Variants in ATF7 observed in about 807,000 individuals in gnomAD.
The protein encoded by ATF7 is activating transcription factor 7.
Under a neutral mutation model 50.4 loss-of-function variants are expected in ATF7, and 10 were observed. The observed-to-expected ratio is 0.20, with a 90% CI of 0.12 to 0.34. The LOEUF (loss-of-function observed/expected upper bound fraction) is 0.34. ATF7 is among the 10% of genes least tolerant of loss of function. The pLI is 1.00. For missense variants in ATF7, 465 were observed against 613.9 expected, an observed-to-expected ratio of 0.76 and a Z score of 2.56; for synonymous variants, 201 against 226.4, an observed-to-expected ratio of 0.89 and a Z score of 1.01.
rs150633613 is a variant in ATF7, at chr12:53,528,042, C to T, written c.928-3281G>A. ...ATTTTTAGTAGAGACAGGGTTTCAC[C>T]GTGTTAGCCAGGATGGTCTTGATCT... On this transcript the variant is annotated intron_variant, in intron 9 of 11. Coordinates refer to ENST00000420353, the MANE Select transcript of ATF7 (RefSeq NM_006856.3). Among the ~76,000 whole-genome samples the T allele has an allele frequency of 2.0e-3, 304 of 151,864 alleles. 8 individuals are homozygous for T. The East Asian group carries it at 0.045, about 23-fold the overall frequency.
At chr12:53,599,761 C>T (rs1304278820) in intron 2 of ATF7, among the ~76,000 whole-genome samples, 6 of 152,122 alleles carry the variant, frequency 3.9e-5, no homozygotes, top group Non-Finnish European at 8.8e-5. Flanking sequence ...TGTAATCTCA[C>T]ACACCACCAG....
rs184530873 is a variant in ATF7 at position 53,526,741 on chromosome 12, C to T, written c.928-1980G>A. ...TGGCAGGCGCCTGTAATCCCAGCTA[C>T]TTGGGAGGCTGAGATAGAAGAATTG... On this transcript the variant is annotated intron_variant, in intron 9 of 11. Coordinates refer to ENST00000420353, the MANE Select transcript of ATF7 (RefSeq NM_006856.3). Among the ~76,000 whole-genome samples the T allele has an allele frequency of 3.1e-3, 468 of 151,858 alleles. 2 individuals carry two copies. The highest frequency in any genetic ancestry group is 0.011 in the African/African-American group (449 of 41,366).
At chr12:53,553,803 C>A (rs1940535609) in intron 2 of ATF7, among the ~76,000 whole-genome samples, 2 of 152,172 alleles carry the variant, frequency 1.3e-5, no homozygotes, top group African/African-American at 4.8e-5. Flanking sequence ...CTTTCTTCAT[C>A]ACGTGTATAC....
chr12:53,573,956 A>G (rs1941916083), intron 2 of ATF7, among the ~76,000 whole-genome samples: 1 of 152,194 alleles, frequency 6.6e-6, no homozygotes, highest in Non-Finnish European at 1.5e-5. Context: ...ACAGTAGAAC[A>G]CTTCCAGTTC....
Position 53,524,080 on chromosome 12 carries a change from G to T in ATF7, c.1125+484C>A, listed in dbSNP as rs575164828. On this transcript the variant is annotated intron_variant, in intron 10 of 11. Coordinates refer to ENST00000420353, the MANE Select transcript of ATF7 (RefSeq NM_006856.3). The surrounding 1 kb of genome is among the most constrained non-coding windows in gnomAD (Gnocchi z 4.6). ...ACATTTGTGTGTATATTTTATAATAGAAATGTATTTATATATTGCTTTTTA... is the reference window on the plus strand; with the variant it reads ...ACATTTGTGTGTATATTTTATAATATAAATGTATTTATATATTGCTTTTTA... Among the ~76,000 whole-genome samples the T allele has an allele frequency of 1.4e-4, 21 of 152,294 alleles. No homozygotes were observed. Among genetic ancestry groups the T allele is most frequent in the Admixed American group, 2.0e-4 (3 of 15,302 alleles).
Position 53,600,972 on chromosome 12 carries a change from T to G in ATF7, c.29A>C (p.Asn10Thr). 1 of 1,613,424 alleles carries G rather than the reference T, an allele frequency of 6.2e-7. No homozygotes were observed. Among genetic ancestry groups the G allele is most frequent in the Non-Finnish European group, 8.5e-7 (1 of 1,179,700 alleles). Residue 10 changes from asparagine to threonine, a missense_variant, in exon 2 of 12, where the codon AAT becomes ACT. By Grantham distance (65) the Asn-to-Thr change is moderately conservative. Transcript: ENST00000420353. ...ACGTACCTGTCCACAGCCCGGGGCA[T>G]TGCACACAAACGGTCTGTCGTCTCC... Reference protein sequence around the residue: MGDDRPFVCNAPGCGQRFTN... With the variant: MGDDRPFVCTAPGCGQRFTN...
At chr12:53,591,425 AAAC>A (rs1397931367) in intron 2 of ATF7, among the ~76,000 whole-genome samples, 1 of 152,206 alleles carries the variant, frequency 6.6e-6, no homozygotes, top group Non-Finnish European at 1.5e-5. Context: ...ACTAGTGTGC[AAAC>A]AACTAAAACA....
chr12:53,573,912 T>C (rs539365354), intron 2 of ATF7, among the ~76,000 whole-genome samples: 2 of 152,300 alleles, frequency 1.3e-5, no homozygotes, highest in South Asian at 4.1e-4. Context: ...GTCCAGGGCA[T>C]AGGCTCACCA....
Position 53,532,495 on chromosome 12 carries a change from C to T in ATF7, c.774+15G>A. ...TCAGAAAGGCCAACATTGCCCCAGA[C>T]TGGGATGTACTCACCATCTTGGCTT... On this transcript the variant is annotated intron_variant, in intron 8 of 11. Coordinates refer to ENST00000420353, the MANE Select transcript of ATF7 (RefSeq NM_006856.3). 6.4e-7 allele frequency: 1 copy of T among 1,553,120 alleles called. No homozygotes were observed. The highest frequency in any genetic ancestry group is 8.8e-7 in the Non-Finnish European group (1 of 1,138,920).
At chr12:53,544,502 G>A (rs1044201825) in intron 3 of ATF7, among the ~76,000 whole-genome samples, 2 of 152,024 alleles carry the variant, frequency 1.3e-5, no homozygotes, top group Non-Finnish European at 2.9e-5. Context: ...ATCCCAGCAC[G>A]TTGGGAGGCT....
intron 1 of ATF7, among the ~76,000 whole-genome samples, chr12:53,625,477 T>C (rs1180696140): frequency 2.0e-5 from 3 of 152,188 alleles, no homozygotes; most frequent in Non-Finnish European, 4.4e-5. Context: ...CAAACACCTC[T>C]TATCGCTCTC....
chr12:53,582,808 T>A (rs951220473), intron 2 of ATF7, among the ~76,000 whole-genome samples: 1 of 152,024 alleles, frequency 6.6e-6, no homozygotes, highest in African/African-American at 2.4e-5. Context: ...GATGGTCTCA[T>A]CTCCTGACCT....
intron 3 of ATF7, among the ~76,000 whole-genome samples, chr12:53,544,778 C>A (rs571013484): frequency 2.6e-5 from 4 of 152,090 alleles, no homozygotes; most frequent in Admixed American, 2.0e-4. Flanking sequence ...CCCAAAAACA[C>A]CCCTTCTAGC....
At chr12:53,555,713 T>C (rs1940703362) in intron 2 of ATF7, among the ~76,000 whole-genome samples, 1 of 152,068 alleles carries the variant, frequency 6.6e-6, no homozygotes, top group Non-Finnish European at 1.5e-5. Flanking sequence ...TTTCTACATG[T>C]TGGTCAGGCT....
chr12:53,570,511 G>A (rs573524704), intron 2 of ATF7, among the ~76,000 whole-genome samples: 1 of 152,160 alleles, frequency 6.6e-6, no homozygotes, highest in Non-Finnish European at 1.5e-5. Context: ...AATGCCTCCA[G>A]TATAGACCTG....
chr12:53,589,363 T>A (rs1421264266), intron 2 of ATF7, among the ~76,000 whole-genome samples: 1 of 152,244 alleles, frequency 6.6e-6, no homozygotes, highest in Admixed American at 6.5e-5. Flanking sequence ...GAGCTATAAT[T>A]ATTGCTGCTG....
Position 53,524,523 on chromosome 12 carries a change from G to C in ATF7, c.1125+41C>G. ...TTTTTCTGATTCCATCCCACTTTCTGGATTTTCAACAATTCCAATAAGCAT... is the reference window on the plus strand; with the variant it reads ...TTTTTCTGATTCCATCCCACTTTCTCGATTTTCAACAATTCCAATAAGCAT... On this transcript the variant is annotated intron_variant, in intron 10 of 11. Transcript: ENST00000420353. This position sits in a 1 kb window ranked among gnomAD's most constrained non-coding sequence, Gnocchi z 4.6. 1 of 1,603,932 alleles carries C rather than the reference G, an allele frequency of 6.2e-7. No individual in the cohort carries two copies. The highest frequency in any genetic ancestry group is 8.5e-7 in the Non-Finnish European group (1 of 1,175,358).
At chr12:53,546,977 C>CTTTTT (rs565759569) in intron 3 of ATF7, among the ~76,000 whole-genome samples, 3 of 116,462 alleles carry the variant, frequency 2.6e-5, no homozygotes, top group South Asian at 5.6e-4. Flanking sequence ...CAGGCTGGCT[C>CTTTTT]TTTTTTTTTT....
At chr12:53,529,857 C>T (rs111535462) in intron 9 of ATF7, among the ~76,000 whole-genome samples, 10,101 of 150,902 alleles carry the variant, frequency 0.067, 497 homozygotes, top group East Asian at 0.19. Flanking sequence ...TCTTCTGCCT[C>T]GGCCTCTTGA....
Sources: allele counts gnomAD v4.1 joint callset (sites outside exome capture counted in the v4.1 genomes callset), GRCh38; gene constraint gnomAD v4.1.1; non-coding constraint Gnocchi (gnomAD v3.1); transcripts MANE v1.5; gene names NCBI Gene and HGNC (gene_info 2026-07-23, HGNC 2026-07-21).